Variants in UBTD1 observed in about 807,000 individuals in gnomAD.
UBTD1 encodes the protein ubiquitin domain containing 1.
UBTD1 carries 19 observed loss-of-function variants against 21.7 expected under a neutral mutation model. That is an observed-to-expected ratio of 0.87 (90% CI 0.61 to 1.28). The LOEUF (loss-of-function observed/expected upper bound fraction) is 1.28, where lower values mean the gene tolerates loss of function less well. UBTD1 is among the 50% of genes most tolerant of loss of function. The pLI is 0.00. For missense variants in UBTD1, 282 were observed against 315.1 expected (o/e 0.89, Z 0.80); for synonymous variants, 116 against 135.1 (o/e 0.86, Z 0.98).
rs986195437 is a variant in UBTD1 at position 97,567,941 on chromosome 10, G to A, written c.98G>A (p.Arg33Gln). 2.5e-6 allele frequency: 4 copies of A among 1,614,162 alleles called. No homozygotes were observed. Among genetic ancestry groups the A allele is most frequent in the Non-Finnish European group, 3.4e-6 (4 of 1,180,046 alleles). The change falls in exon 2 of 3, where the codon CGG becomes CAG. Residue 33 changes from arginine (R) to glutamine (Q), a missense_variant. Arg to Gln is a conservative substitution (Grantham distance 43). Transcript: ENST00000370664. ...CGCAATGAGCCCCTGAAGAAAGAGC[G>A]GCTTAAGTGGAAGAGCGACTACCCC... is the stretch of plus-strand genomic sequence containing the variant. ...AGRNEPLKKE[R>Q]LKWKSDYPMT...
chr10:97,570,449 C>T lies in UBTD1; in HGVS notation c.610C>T (p.Leu204Phe). 2 of 1,612,974 alleles carry T rather than the reference C, an allele frequency of 1.2e-6. No homozygotes were observed. Among genetic ancestry groups the T allele is most frequent in the Non-Finnish European group, 1.7e-6 (2 of 1,179,752 alleles). Residue 204 changes from leucine to phenylalanine, a missense_variant, in exon 3 of 3, where the codon CTC becomes TTC. Coordinates refer to ENST00000370664, the MANE Select transcript of UBTD1 (RefSeq NM_024954.5). This position sits in a 1 kb window ranked among gnomAD's most constrained non-coding sequence, Gnocchi z 6.6. ...GAAGCTGCTCACAGACCGCACACGG[C>T]TCCAGGAGACCAAGATCCAGAAAGA... ...SGKLLTDRTR[L>F]QETKIQKDFV...
chr10:97,570,598 G>A lies in UBTD1; in HGVS notation c.*75G>A, dbSNP rs2040742920. ...CACCCTGCTGCTGCCTTCCAGTGCT[G>A]TCATTTTCTTCAGGGGCCCTCCCCT... On this transcript the variant is annotated 3_prime_UTR_variant, in exon 3 of 3. Coordinates refer to ENST00000370664, the MANE Select transcript of UBTD1 (RefSeq NM_024954.5). This position sits in a 1 kb window ranked among gnomAD's most constrained non-coding sequence, Gnocchi z 6.6. 1 of 1,504,708 alleles carries A rather than the reference G, an allele frequency of 6.6e-7. No homozygotes were observed. Among genetic ancestry groups the A allele is most frequent in the African/African-American group, 1.4e-5 (1 of 72,088 alleles). The allele number at this position is 1,504,708 out of a possible 1,614,324, so 93.2% of individuals were successfully genotyped here.
chr10:97,558,467 G>A (rs1026927466), intron 1 of UBTD1, among the ~76,000 whole-genome samples: 14 of 152,312 alleles, frequency 9.2e-5, no homozygotes, highest in African/African-American at 2.9e-4. Context: ...GCCTTTGGAC[G>A]TGGGGGCAGC....
At chr10:97,564,525 C>G (rs2040708538) in intron 1 of UBTD1, among the ~76,000 whole-genome samples, 1 of 152,100 alleles carries the variant, frequency 6.6e-6, no homozygotes, top group South Asian at 2.1e-4. Flanking sequence ...TGTGAAATTT[C>G]ATCTACATAA....
At chr10:97,534,343 G>T (rs1228853966) in intron 1 of UBTD1, among the ~76,000 whole-genome samples, 12 of 152,222 alleles carry the variant, frequency 7.9e-5, no homozygotes, top group Admixed American at 7.9e-4. Context: ...CTTACAGCTT[G>T]TTTGTGGTAC....
At chr10:97,526,301 G>C (rs548432653) in intron 1 of UBTD1, among the ~76,000 whole-genome samples, 1 of 152,194 alleles carries the variant, frequency 6.6e-6, no homozygotes, top group African/African-American at 2.4e-5. Context: ...CTTTGACCTA[G>C]AAATTCCACA....
intron 1 of UBTD1, among the ~76,000 whole-genome samples, chr10:97,544,812 G>T (rs1434017626): frequency 1.3e-5 from 2 of 152,050 alleles, no homozygotes; most frequent in Non-Finnish European, 2.9e-5. Context: ...GCAACATAGT[G>T]AGACCCTGTC....
intron 1 of UBTD1, among the ~76,000 whole-genome samples, chr10:97,514,425 C>T (rs547592373): frequency 6.6e-6 from 1 of 152,188 alleles, no homozygotes; most frequent in Non-Finnish European, 1.5e-5. Context: ...AAGCATTTCT[C>T]CTCCCCTAGA....
intron 1 of UBTD1, among the ~76,000 whole-genome samples, chr10:97,552,072 C>A (rs1416882869): frequency 2.6e-5 from 4 of 151,966 alleles, no homozygotes; most frequent in African/African-American, 9.7e-5. Flanking sequence ...CCACTGTGCT[C>A]AGCCCTCCTG....
chr10:97,565,474 A>G (rs1430393274), intron 1 of UBTD1, among the ~76,000 whole-genome samples: 2 of 152,042 alleles, frequency 1.3e-5, no homozygotes, highest in Non-Finnish European at 2.9e-5. Context: ...CCTATTGTAT[A>G]CTTCTGGAAA....
intron 1 of UBTD1, among the ~76,000 whole-genome samples, chr10:97,513,433 C>T (rs1421150824): frequency 3.3e-5 from 5 of 152,172 alleles, no homozygotes; most frequent in East Asian, 3.9e-4. Flanking sequence ...CCTGGGAGCT[C>T]GAGTTACGGA....
intron 1 of UBTD1, among the ~76,000 whole-genome samples, chr10:97,505,674 T>G (rs972854654): frequency 6.6e-6 from 1 of 152,226 alleles, no homozygotes; most frequent in African/African-American, 2.4e-5. Context: ...TGTGTGACTT[T>G]GGACAAGCCT....
At chr10:97,516,870 AACCTGC>A (rs1440084570) in intron 1 of UBTD1, among the ~76,000 whole-genome samples, 1 of 152,090 alleles carries the variant, frequency 6.6e-6, no homozygotes, top group Non-Finnish European at 1.5e-5. Context: ...AGTGGGGACC[AACCTGC>A]ACCAAAGCCA....
rs577027363 is a variant in UBTD1 at position 97,552,043 on chromosome 10, C to T, written c.71-15871C>T. On this transcript the variant is annotated intron_variant, in intron 1 of 2. Coordinates refer to ENST00000370664, the MANE Select transcript of UBTD1 (RefSeq NM_024954.5). ...CCTCCCGCCTCAGTCTCCCAAAGTG[C>T]GGGGGTTATAGGTGCGAGCCACTGT... Among the ~76,000 whole-genome samples, 11 of 152,008 alleles carry T rather than the reference C, an allele frequency of 7.2e-5. No individual in the cohort carries two copies. The South Asian group carries it at 1.2e-3, about 17-fold the overall frequency.
Position 97,499,240 on chromosome 10 carries a change from C to T in UBTD1, c.37C>T (p.Pro13Ser), listed in dbSNP as rs1312335631. ...CGTGGGGAGACAGCGCCGGGAGAGGCCGGCAGCCCCGGGACACCCCCGCAA... is the reference window on the plus strand; with the variant it reads ...CGTGGGGAGACAGCGCCGGGAGAGGTCGGCAGCCCCGGGACACCCCCGCAA... ...NCVGRQRRER[P>S]AAPGHPRKRA... The change falls in exon 1 of 3, where the codon CCG (proline) becomes TCG (serine). Residue 13 changes from proline to serine, a missense_variant. Transcript: ENST00000370664. 2 of 1,548,138 alleles carry T rather than the reference C, an allele frequency of 1.3e-6. No individual in the cohort carries two copies. The highest frequency in any genetic ancestry group is 1.7e-6 in the Non-Finnish European group (2 of 1,145,762).
chr10:97,528,910 C>A (rs1296444721), intron 1 of UBTD1, among the ~76,000 whole-genome samples: 3 of 150,236 alleles, frequency 2.0e-5, no homozygotes, highest in Non-Finnish European at 4.5e-5. Context: ...GACCCCCCAC[C>A]TCCCTCCTGG....
At chr10:97,542,409 G>A (rs1041229045) in intron 1 of UBTD1, among the ~76,000 whole-genome samples, 1 of 152,180 alleles carries the variant, frequency 6.6e-6, no homozygotes, top group Non-Finnish European at 1.5e-5. Context: ...GAGGGAGTGG[G>A]GGGTTTCTTA....
chr10:97,542,985 G>T (rs1341318874), intron 1 of UBTD1, among the ~76,000 whole-genome samples: 1 of 152,250 alleles, frequency 6.6e-6, no homozygotes, highest in Non-Finnish European at 1.5e-5. Flanking sequence ...AAACCTCTCT[G>T]CTGCTCCCAA....
chr10:97,544,291 CAAA>C (rs35919777), intron 1 of UBTD1, among the ~76,000 whole-genome samples: 1 of 139,164 alleles, frequency 7.2e-6, no homozygotes, highest in African/African-American at 2.7e-5. Flanking sequence ...AACTCTGTCT[CAAA>C]AAAAAAAAAA....
Sources: gnomAD v4.1 joint callset for allele counts (sites outside exome capture counted in the v4.1 genomes callset) on GRCh38, gnomAD v4.1.1 for gene constraint, Gnocchi (gnomAD v3.1) non-coding constraint, MANE v1.5 for transcripts, NCBI Gene and HGNC (gene_info 2026-07-23, HGNC 2026-07-21) for gene names.